Variants in MID1 observed in about 807,000 individuals in gnomAD.
MID1 encodes the protein midline 1.
A neutral mutation model predicts 40.4 loss-of-function variants in MID1; 7 were observed. That is an observed-to-expected ratio of 0.17 (90% CI 0.10 to 0.33). MID1 has a LOEUF of 0.33. Among genes scored for constraint, MID1 ranks in the 10% least tolerant of loss-of-function variants. The pLI is 1.00. For synonymous variants in MID1, 229 were observed against 221.2 expected (o/e 1.04, Z -0.31); for missense variants, 367 against 558.5 (o/e 0.66, Z 3.46).
At chrX:10,704,418 A>C (rs923305940) in intron 1 of MID1, among the ~76,000 whole-genome samples, 2 of 109,851 alleles carry the variant, frequency 1.8e-5, no homozygotes, top group African/African-American at 6.6e-5. Flanking sequence ...TTAGTAACAC[A>C]TCAAAGGGAA....
intron 1 of MID1, among the ~76,000 whole-genome samples, chrX:10,747,961 T>G (rs2043570794): frequency 9.1e-6 from 1 of 110,422 alleles, no homozygotes; most frequent in African/African-American, 3.4e-5. Flanking sequence ...GACTTCTTTT[T>G]CTTTCTTTCT....
At chrX:10,648,031 G>C (rs1288136994) in intron 1 of MID1, among the ~76,000 whole-genome samples, 1 of 111,840 alleles carries the variant, frequency 8.9e-6, no homozygotes, top group Non-Finnish European at 1.9e-5. Flanking sequence ...CATCACCTCT[G>C]GCAGAAAAAT....
At chrX:10,492,512 T>C (rs973744238) in intron 4 of MID1, among the ~76,000 whole-genome samples, 1 of 111,774 alleles carries the variant, frequency 8.9e-6, no homozygotes, top group African/African-American at 3.3e-5. Context: ...AAGCTAACAA[T>C]GTGACTTTGC....
chrX:10,465,214 T>TATATATATATACAC (rs1477864693), intron 7 of MID1, among the ~76,000 whole-genome samples: 169 of 39,874 alleles, frequency 4.2e-3, no homozygotes, highest in Non-Finnish European at 5.9e-3. Flanking sequence ...TATATATATA[T>TATATATATATACAC]ACACACACAC....
intron 4 of MID1, among the ~76,000 whole-genome samples, chrX:10,493,366 G>C (rs1300798943): frequency 1.8e-5 from 2 of 111,521 alleles, no homozygotes; most frequent in African/African-American, 6.5e-5. Context: ...CTTCCAGAAA[G>C]AAACAGCACT....
chrX:10,598,204 G>C (rs1161626972), intron 1 of MID1, among the ~76,000 whole-genome samples: 2 of 112,197 alleles, frequency 1.8e-5, no homozygotes, highest in Non-Finnish European at 3.8e-5. Context: ...ACCAAAAGCA[G>C]CAGATTTCCT....
intron 1 of MID1, among the ~76,000 whole-genome samples, chrX:10,598,989 G>A (rs991950994): frequency 2.7e-5 from 3 of 111,675 alleles, no homozygotes; most frequent in Non-Finnish European, 5.7e-5. Flanking sequence ...CCATCCTGAC[G>A]GGGGGGATCC....
chrX:10,553,390 A>G (rs1934000434), intron 2 of MID1, among the ~76,000 whole-genome samples: 1 of 111,770 alleles, frequency 8.9e-6, no homozygotes, highest in African/African-American at 3.2e-5. Flanking sequence ...TACAATTCTG[A>G]CTGATTAGCG....
At chrX:10,636,588 C>T (rs1482829652) in intron 1 of MID1, among the ~76,000 whole-genome samples, 1 of 107,907 alleles carries the variant, frequency 9.3e-6, no homozygotes, top group African/African-American at 3.4e-5. Flanking sequence ...AGTCAGAGGC[C>T]ACCTTACTAG....
chrX:10,728,601 G>C (rs1378123582), intron 1 of MID1, among the ~76,000 whole-genome samples: 2 of 111,938 alleles, frequency 1.8e-5, no homozygotes, highest in African/African-American at 6.5e-5. Context: ...TTAACAAGAG[G>C]AGCAGGACAA....
At chrX:10,696,560 T>C (rs1258097216) in intron 1 of MID1, among the ~76,000 whole-genome samples, 3 of 111,869 alleles carry the variant, frequency 2.7e-5, no homozygotes, top group Non-Finnish European at 5.6e-5. Flanking sequence ...TATGCCCCCT[T>C]GGTCTAAGTC....
At chrX:10,797,813 G>T (rs1343123157) in intron 1 of MID1, among the ~76,000 whole-genome samples, 1 of 111,699 alleles carries the variant, frequency 9.0e-6, no homozygotes, top group Non-Finnish European at 1.9e-5. Flanking sequence ...AAGCAAACAT[G>T]CAAAAACCCA....
At chrX:10,731,235 A>G (rs1424332656) in intron 1 of MID1, among the ~76,000 whole-genome samples, 1 of 112,102 alleles carries the variant, frequency 8.9e-6, no homozygotes, top group Non-Finnish European at 1.9e-5. Flanking sequence ...CAACAATTAC[A>G]TTAAATATAA....
At chrX:10,672,884 C>T (rs1017381482) in intron 1 of MID1, among the ~76,000 whole-genome samples, 1 of 110,357 alleles carries the variant, frequency 9.1e-6, no homozygotes, top group Non-Finnish European at 1.9e-5. Context: ...AGGGGTTTCT[C>T]TATGCTTCCC....
chrX:10,792,401 A>G (rs2043938247), intron 1 of MID1, among the ~76,000 whole-genome samples: 1 of 112,177 alleles, frequency 8.9e-6, no homozygotes, highest in Non-Finnish European at 1.9e-5. Flanking sequence ...AGAGAATATT[A>G]TAGTTGTAAG....
At chrX:10,471,673 A>G (rs1166879550) in intron 6 of MID1, among the ~76,000 whole-genome samples, 1 of 111,720 alleles carries the variant, frequency 9.0e-6, no homozygotes, top group Non-Finnish European at 1.9e-5. Context: ...TGTGCTTATT[A>G]TTGTCTGTGT....
intron 1 of MID1, among the ~76,000 whole-genome samples, chrX:10,595,243 C>T (rs952761684): frequency 5.4e-5 from 6 of 111,642 alleles, no homozygotes; most frequent in South Asian, 3.8e-4. Flanking sequence ...AAGACACACC[C>T]GCATATTCAT....
At chrX:10,469,945 C>T in intron 6 of MID1, 105 bp from the exon 7 acceptor site, 3 of 738,772 alleles carry the variant, frequency 4.1e-6, no homozygotes, top group Non-Finnish European at 6.2e-6. Flanking sequence ...ATAGGTCCAT[C>T]AGGACTACTA....
At chrX:10,673,751 G>A (rs745362761) in intron 1 of MID1, among the ~76,000 whole-genome samples, 4 of 110,946 alleles carry the variant, frequency 3.6e-5, no homozygotes, top group Non-Finnish European at 7.5e-5. Flanking sequence ...ACAGATTTGG[G>A]TTTGCTACCT....
Sources: allele counts gnomAD v4.1 joint callset (sites outside exome capture counted in the v4.1 genomes callset), GRCh38; gene constraint gnomAD v4.1.1; transcripts MANE v1.5; gene names NCBI Gene and HGNC (gene_info 2026-07-23, HGNC 2026-07-21).